Variants in MCTP1 observed in about 807,000 individuals in gnomAD.
The protein encoded by MCTP1 is multiple C2 and transmembrane domain containing 1.
Under a neutral mutation model 120.6 loss-of-function variants are expected in MCTP1, and 69 were observed. The observed-to-expected ratio is 0.57, with a 90% CI of 0.47 to 0.70. The LOEUF (loss-of-function observed/expected upper bound fraction) is 0.70, where lower values mean the gene tolerates loss of function less well. Among genes scored for constraint, MCTP1 ranks in the 30% least tolerant of loss-of-function variants. The probability of loss-of-function intolerance (pLI) is 0.00; values close to 1 mark genes in which losing one functional copy is unlikely to be tolerated. For synonymous variants in MCTP1, 529 were observed against 493.1 expected (o/e 1.07, Z -0.96); for missense variants, 1,203 against 1,248.8 (o/e 0.96, Z 0.55).
At chr5:95,137,347 C>T (rs1422746538) in intron 1 of MCTP1, among the ~76,000 whole-genome samples, 3 of 152,334 alleles carry the variant, frequency 2.0e-5, no homozygotes, top group Admixed American at 6.5e-5. Context: ...GTCAATAACA[C>T]GATAGTCCCT....
At chr5:95,196,734 G>A (rs1163038889) in intron 1 of MCTP1, among the ~76,000 whole-genome samples, 1 of 152,204 alleles carries the variant, frequency 6.6e-6, no homozygotes, top group Non-Finnish European at 1.5e-5. Context: ...GCTGCAGGGG[G>A]AGAGTGTCCA....
At chr5:94,932,021 C>T in intron 5 of MCTP1, 30 bp from the exon 6 acceptor site, 1 of 1,517,490 alleles carries the variant, frequency 6.6e-7, no homozygotes. Context: ...TTTTCATTAT[C>T]TTTTCACTCA....
intron 17 of MCTP1, among the ~76,000 whole-genome samples, chr5:94,808,628 T>C (rs1782836526): frequency 6.6e-6 from 1 of 152,138 alleles, no homozygotes. Flanking sequence ...TGTGTTTTGT[T>C]GTGTGTGTGT....
In MCTP1 at chr5:94,915,722, G is replaced by A. The variant is rs532864164; in HGVS notation, c.1350+2174C>T. The stretch of plus-strand genomic sequence containing the variant: ...CATGAACTTGGCTTACAGAGTGAGG[G>A]AGAGAAAAGCCATTTTCACCCTGTA... On this transcript the variant is annotated intron_variant, in intron 8 of 22. Transcript: ENST00000515393. Among the ~76,000 whole-genome samples the A allele has an allele frequency of 3.1e-4, 47 of 151,982 alleles. No homozygotes were observed. In the South Asian group the frequency reaches 3.8e-3, roughly 12 times the overall value.
chr5:94,825,628 T>C (rs1167830204), intron 17 of MCTP1, among the ~76,000 whole-genome samples: 2 of 152,182 alleles, frequency 1.3e-5, no homozygotes, highest in East Asian at 3.8e-4. Context: ...CTGTCTAATA[T>C]TGACAGTGGG....
intron 10 of MCTP1, among the ~76,000 whole-genome samples, chr5:94,901,229 A>C (rs563807455): frequency 9.3e-4 from 142 of 152,300 alleles, no homozygotes; most frequent in African/African-American, 3.3e-3. Context: ...GCAAGAGGGC[A>C]TGTTCAGGGG....
intron 1 of MCTP1, among the ~76,000 whole-genome samples, chr5:95,234,969 C>T (rs1384949020): frequency 1.3e-5 from 2 of 152,164 alleles, no homozygotes; most frequent in East Asian, 1.9e-4. Context: ...AGAAGAAATA[C>T]ATCCCAACTA....
chr5:95,159,664 G>A (rs1190776741), intron 1 of MCTP1, among the ~76,000 whole-genome samples: 2 of 151,928 alleles, frequency 1.3e-5, no homozygotes, highest in Non-Finnish European at 2.9e-5. Flanking sequence ...CAGAATTTCT[G>A]AAGCACAACT....
intron 17 of MCTP1, among the ~76,000 whole-genome samples, chr5:94,860,024 A>G (rs1795457498): frequency 6.6e-6 from 1 of 151,702 alleles, no homozygotes; most frequent in South Asian, 2.1e-4. Flanking sequence ...ATTTATATAT[A>G]GCTACATGGG....
chr5:94,829,220 G>A (rs1034996723), intron 17 of MCTP1, among the ~76,000 whole-genome samples: 7 of 152,166 alleles, frequency 4.6e-5, no homozygotes, highest in Non-Finnish European at 7.3e-5. Context: ...GACTAGGGGA[G>A]GGAGTTCCCC....
At chr5:95,158,401 T>C (rs1348841600) in intron 1 of MCTP1, among the ~76,000 whole-genome samples, 1 of 152,154 alleles carries the variant, frequency 6.6e-6, no homozygotes, top group Non-Finnish European at 1.5e-5. Flanking sequence ...CTGGCTGAGA[T>C]GGAAAATATG....
At chr5:94,822,194 A>C (rs1424050747) in intron 17 of MCTP1, among the ~76,000 whole-genome samples, 1 of 152,130 alleles carries the variant, frequency 6.6e-6, no homozygotes, top group African/African-American at 2.4e-5. Flanking sequence ...ATTTCTCCTA[A>C]TACTATCCCT....
intron 1 of MCTP1, among the ~76,000 whole-genome samples, chr5:95,186,867 A>T (rs1452392055): frequency 6.6e-6 from 1 of 152,226 alleles, no homozygotes; most frequent in East Asian, 1.9e-4. Flanking sequence ...ATCCAGAAAC[A>T]GACCCACAAA....
chr5:94,802,802 T>C (rs1284167365), intron 17 of MCTP1, among the ~76,000 whole-genome samples: 2 of 152,174 alleles, frequency 1.3e-5, no homozygotes, highest in Admixed American at 1.3e-4. Flanking sequence ...AAATAAACCA[T>C]AAAATGTCTA....
chr5:94,898,602 C>G (rs924900149), intron 10 of MCTP1, among the ~76,000 whole-genome samples: 2 of 152,122 alleles, frequency 1.3e-5, no homozygotes, highest in African/African-American at 2.4e-5. Context: ...GGAGGTTTCA[C>G]TACTGTTTGA....
chr5:94,818,676 G>A (rs910052983), intron 17 of MCTP1, among the ~76,000 whole-genome samples: 4 of 152,212 alleles, frequency 2.6e-5, no homozygotes, highest in East Asian at 1.9e-4. Flanking sequence ...CCATGTGGTA[G>A]AAACTTTAAT....
At chr5:95,253,428 A>G (rs1273210597) in intron 1 of MCTP1, among the ~76,000 whole-genome samples, 1 of 152,148 alleles carries the variant, frequency 6.6e-6, no homozygotes, top group East Asian at 1.9e-4. Flanking sequence ...ATAACACATG[A>G]CATACACTAG....
intron 1 of MCTP1, among the ~76,000 whole-genome samples, chr5:95,090,933 G>A (rs1275674990): frequency 6.6e-6 from 1 of 152,116 alleles, no homozygotes; most frequent in African/African-American, 2.4e-5. Context: ...CTAGGTTGGT[G>A]CAAAAGTGAT....
chr5:95,182,739 G>T (rs570221475), intron 1 of MCTP1, among the ~76,000 whole-genome samples: 9 of 152,072 alleles, frequency 5.9e-5, no homozygotes, highest in Non-Finnish European at 1.2e-4. Flanking sequence ...TAAAAAAAAT[G>T]GGGGGGACTC....
Sources: allele counts gnomAD v4.1 joint callset (sites outside exome capture counted in the v4.1 genomes callset), GRCh38; gene constraint gnomAD v4.1.1; transcripts MANE v1.5; gene names NCBI Gene and HGNC (gene_info 2026-07-23, HGNC 2026-07-21).